PPP2R2D: variants seen among roughly 807,000 people sequenced by gnomAD.
PPP2R2D encodes the protein protein phosphatase 2 regulatory subunit Bdelta.
In PPP2R2D, 9 loss-of-function variants were observed where a neutral mutation model predicts 31.1. The observed-to-expected ratio is 0.29, with a 90% CI of 0.17 to 0.51. PPP2R2D has a LOEUF of 0.51. PPP2R2D is among the 20% of genes least tolerant of loss of function. The pLI is 0.98. For synonymous variants in PPP2R2D, 179 were observed against 172.6 expected, an observed-to-expected ratio of 1.04 and a Z score of -0.29; for missense variants, 391 against 465.6, an observed-to-expected ratio of 0.84 and a Z score of 1.48.
At chr10:131,961,379 G>A (rs782600480), downstream of PPP2R2D, among the ~76,000 whole-genome samples, 3 of 152,156 alleles carry the variant, frequency 2.0e-5, no homozygotes, top group Non-Finnish European at 2.9e-5. Flanking sequence ...CACAGCTCAG[G>A]CCCTGCAGAG....
chr10:131,968,294 C>T, the PPP2R2D span: 101,899 of 355,932 alleles, frequency 0.29, 15,583 homozygotes, highest in East Asian at 0.49. Context: ...ACCAAATTTT[C>T]ACAGTAGACA....
chr10:131,929,990 C>T (rs555422364), intron 2 of PPP2R2D, among the ~76,000 whole-genome samples: 3 of 152,240 alleles, frequency 2.0e-5, no homozygotes, highest in South Asian at 2.1e-4. Flanking sequence ...GTATGGCAAC[C>T]GATGATTCCG....
chr10:131,928,246 T>C (rs892711920), intron 2 of PPP2R2D, among the ~76,000 whole-genome samples: 1 of 152,158 alleles, frequency 6.6e-6, no homozygotes, highest in Non-Finnish European at 1.5e-5. Flanking sequence ...TATAACCACC[T>C]CCTGGGCTGC....
intron 2 of PPP2R2D, among the ~76,000 whole-genome samples, chr10:131,929,735 C>G (rs1177040475): frequency 2.0e-5 from 3 of 152,200 alleles, no homozygotes; most frequent in Non-Finnish European, 4.4e-5. Context: ...CTGACTCTCC[C>G]TGGGGCACAT....
intron 6 of PPP2R2D, 49 bp downstream of exon 6, chr10:131,944,194 GA>G: frequency 6.7e-7 from 1 of 1,495,164 alleles, no homozygotes; most frequent in South Asian, 1.2e-5. Context: ...GTGCTCTTTA[GA>G]TAGTAATTTC....
intron 2 of PPP2R2D, among the ~76,000 whole-genome samples, chr10:131,920,132 TACAC>T (rs1261518963): frequency 4.2e-5 from 1 of 24,008 alleles, no homozygotes; most frequent in African/African-American, 1.8e-4. Flanking sequence ...CGGGTGGAAT[TACAC>T]AGTGTAGGGA....
chr10:131,945,223 T>C lies in PPP2R2D; in HGVS notation c.656-72T>C, dbSNP rs552098194. 234 of 1,518,964 alleles carry C rather than the reference T, an allele frequency of 1.5e-4. No individual in the cohort carries two copies. The highest frequency in any genetic ancestry group is 1.1e-3 in the Middle Eastern group (6 of 5,682). 94.1% of individuals were successfully genotyped at this position (1,518,964 alleles called of 1,614,324 possible). A position where few individuals can be genotyped will look rare whatever the true frequency, so the allele number is the denominator to read the frequency against. On this transcript the variant is annotated intron_variant, in intron 6 of 8. Coordinates refer to ENST00000455566, the MANE Select transcript of PPP2R2D (RefSeq NM_018461.5). The surrounding 1 kb of genome is among the most constrained non-coding windows in gnomAD (Gnocchi z 4.8). The stretch of plus-strand genomic sequence containing the variant: ...CTGCGTGGATTATTTGGCGTCCTAT[T>C]TCGCGTGACTGAATGTAGACTAATT...
Position 131,947,957 on chromosome 10 carries a change from T to C in PPP2R2D, c.1082+166T>C, listed in dbSNP as rs998887279. On this transcript the variant is annotated intron_variant, in intron 8 of 8. Transcript: ENST00000455566. This position sits in a 1 kb window ranked among gnomAD's most constrained non-coding sequence, Gnocchi z 4.3. ...GATGATAGTATCAAGGTAGAGAAAATAGGATCTCTGAGCAAGTTTCTCACC... is the reference window on the plus strand; with the variant it reads ...GATGATAGTATCAAGGTAGAGAAAACAGGATCTCTGAGCAAGTTTCTCACC... 7.2e-5 allele frequency among the ~76,000 whole-genome samples: 11 copies of C among 152,180 alleles called. No homozygotes were observed. Among genetic ancestry groups the C allele is most frequent in the African/African-American group, 2.7e-4 (11 of 41,456 alleles).
At chr10:131,941,696 C>T (rs546241819) in intron 5 of PPP2R2D, among the ~76,000 whole-genome samples, 3 of 152,206 alleles carry the variant, frequency 2.0e-5, no homozygotes, top group East Asian at 3.9e-4. Flanking sequence ...GACGCTGTAC[C>T]GCAGAAGCCT....
chr10:131,912,139 T>C (rs982379227), intron 2 of PPP2R2D: 3 of 152,242 alleles, frequency 2.0e-5, no homozygotes, highest in African/African-American at 7.2e-5. Context: ...TTCTAGACTT[T>C]GAATAAGATT....
chr10:131,958,605 G>A lies in PPP2R2D; in HGVS notation c.*2642G>A, dbSNP rs555060853. On this transcript the variant is annotated 3_prime_UTR_variant, in exon 9 of 9. Coordinates refer to ENST00000455566, the MANE Select transcript of PPP2R2D (RefSeq NM_018461.5). ...CCCTGTGGGGATGAAGGTGTGTGCT[G>A]ATCTCTTGTCCCCCTGTGGAGATGG... 5.4e-4 allele frequency: 127 copies of A among 235,602 alleles called. No homozygotes were observed. The South Asian group carries it at 5.4e-3, about 10-fold the overall frequency. 14.6% of individuals were successfully genotyped at this position (235,602 alleles called of 1,614,324 possible). A position where few individuals can be genotyped will look rare whatever the true frequency, so the allele number is the denominator to read the frequency against.
intron 2 of PPP2R2D, among the ~76,000 whole-genome samples, chr10:131,915,565 C>T (rs2035764381): frequency 6.6e-6 from 1 of 152,220 alleles, no homozygotes; most frequent in Admixed American, 6.5e-5. Flanking sequence ...ACTCCTTCCT[C>T]ACTGGAGGCA....
chr10:131,963,854 T>G (rs1326332225), downstream of PPP2R2D, among the ~76,000 whole-genome samples: 1 of 152,180 alleles, frequency 6.6e-6, no homozygotes, highest in African/African-American at 2.4e-5. Flanking sequence ...TGCAGCCTCA[T>G]GGGGACTCAC....
rs782079533 is a variant in PPP2R2D, at chr10:131,947,393, G to A, written c.821-137G>A. 1 of 870,138 alleles carries A rather than the reference G, an allele frequency of 1.1e-6. No homozygotes were observed. Among genetic ancestry groups the A allele is most frequent in the Non-Finnish European group, 1.7e-6 (1 of 583,530 alleles). The allele number at this position is 870,138 out of a possible 1,614,324, so 53.9% of individuals were successfully genotyped here. A position where few individuals can be genotyped will look rare whatever the true frequency, so the allele number is the denominator to read the frequency against. ...GAAGATCAGAAAACCTAGAGAATCAGAAAGATCAGAAGACCTAGTGTTGAG... is the reference window on the plus strand; with the variant it reads ...GAAGATCAGAAAACCTAGAGAATCAAAAAGATCAGAAGACCTAGTGTTGAG... On this transcript the variant is annotated intron_variant, in intron 7 of 8. Coordinates refer to ENST00000455566, the MANE Select transcript of PPP2R2D (RefSeq NM_018461.5). The surrounding 1 kb of genome is among the most constrained non-coding windows in gnomAD (Gnocchi z 4.3).
In PPP2R2D at chr10:131,957,692, GTCC is replaced by G. The variant is rs2036830747; in HGVS notation, c.*1730_*1732del. 3.5e-5 allele frequency: 5 copies of G among 140,924 alleles called. No homozygotes were observed. The highest frequency in any genetic ancestry group is 1.7e-4 in the South Asian group (1 of 6,034). The allele number at this position is 140,924 out of a possible 1,614,324, so 8.7% of individuals were successfully genotyped here. A position where few individuals can be genotyped will look rare whatever the true frequency, so the allele number is the denominator to read the frequency against. On this transcript the variant is annotated 3_prime_UTR_variant, in exon 9 of 9. Coordinates refer to ENST00000455566, the MANE Select transcript of PPP2R2D (RefSeq NM_018461.5). ...AGATGAAGGGGTGTGCTGATCCCCC[GTCC>G]CCCTGTGGAGATGAAGGTGTGTGCT...
chr10:131,932,573 A>G (rs546776434), intron 2 of PPP2R2D, among the ~76,000 whole-genome samples: 6 of 146,202 alleles, frequency 4.1e-5, no homozygotes, highest in Non-Finnish European at 7.5e-5. Context: ...AGGCTGAGAC[A>G]TGAGAATCAC....
rs2120052661 is a variant in PPP2R2D, at chr10:131,956,307, G to GAT, written c.*346_*347dup. ...ACATCCAAGAGAAAAGTTATTGTCA[G>GAT]ATACCGCTCTTTCTCCAACTTTCCC... On this transcript the variant is annotated 3_prime_UTR_variant, in exon 9 of 9. Transcript: ENST00000455566. The GAT allele has an allele frequency of 9.9e-7, 1 of 1,010,480 alleles. No homozygotes were observed. The highest frequency in any genetic ancestry group is 5.9e-5 in the Admixed American group (1 of 16,994). 62.6% of individuals were successfully genotyped at this position (1,010,480 alleles called of 1,614,324 possible).
intron 2 of PPP2R2D, among the ~76,000 whole-genome samples, chr10:131,921,394 C>T (rs782759853): frequency 6.6e-6 from 1 of 152,108 alleles, no homozygotes; most frequent in Non-Finnish European, 1.5e-5. Flanking sequence ...AGAGTTCATC[C>T]GTTGCCATTT....
At chr10:131,925,951 G>T (rs1490016513) in intron 2 of PPP2R2D, among the ~76,000 whole-genome samples, 3 of 152,154 alleles carry the variant, frequency 2.0e-5, no homozygotes, top group African/African-American at 7.2e-5. Flanking sequence ...CAGGCCCTTA[G>T]TCTGAGCCAC....
Sources: gnomAD v4.1 joint callset for allele counts (sites outside exome capture counted in the v4.1 genomes callset) on GRCh38, gnomAD v4.1.1 for gene constraint, Gnocchi (gnomAD v3.1) non-coding constraint, MANE v1.5 for transcripts, NCBI Gene and HGNC (gene_info 2026-07-23, HGNC 2026-07-21) for gene names.